ZNFX1: variants seen among roughly 807,000 people sequenced by gnomAD.
The protein encoded by ZNFX1 is NFX1-type zinc finger-containing protein 1.
Under a neutral mutation model 179.8 loss-of-function variants are expected in ZNFX1, and 78 were observed. The ratio of observed to expected loss-of-function variants is 0.43; its 90% CI spans 0.36 to 0.52. The LOEUF is 0.52. Ranked by LOEUF, ZNFX1 falls within the 20% of genes least tolerant of loss-of-function variation. The pLI, the probability that ZNFX1 is intolerant of heterozygous loss-of-function variation, is 0.00. For synonymous variants in ZNFX1, 848 were observed against 868.5 expected (o/e 0.98, Z 0.42); for missense variants, 1,927 against 2,386.6 (o/e 0.81, Z 4.01).
At chr20:49,268,159 GCCAC>G (rs1390829289) in intron 3 of ZNFX1, among the ~76,000 whole-genome samples, 1 of 152,156 alleles carries the variant, frequency 6.6e-6, no homozygotes, top group African/African-American at 2.4e-5. Flanking sequence ...ACAGGTGTGA[GCCAC>G]CGTGCCTGAC....
At position 49,264,170 on chromosome 20, in the gene ZNFX1, C is replaced by T. The variant is rs556945522; in HGVS notation, c.2151+546G>A. On this transcript the variant is annotated intron_variant, in intron 5 of 13. Transcript: ENST00000396105. Reference sequence around the variant, plus strand: ...CTAGGAGGTGGAGGTTGCAGTGAGCCGAGATTGTGCCACTGCACTCCAGCC... The same window carrying T: ...CTAGGAGGTGGAGGTTGCAGTGAGCTGAGATTGTGCCACTGCACTCCAGCC... Among the ~76,000 whole-genome samples the T allele has an allele frequency of 6.6e-4, 100 of 152,218 alleles. 1 individual carries two copies. Among genetic ancestry groups the T allele is most frequent in the Admixed American group, 6.3e-3 (96 of 15,290 alleles).
In ZNFX1 at chr20:49,248,548, G is replaced by A; in HGVS notation, c.4476C>T (p.Asn1492=). ...TCTTGCACTGGCTGTGGACACAGCGGTTCTGACAGGTCCGCTGGCAGGGTG... is the reference window on the plus strand; with the variant it reads ...TCTTGCACTGGCTGTGGACACAGCGATTCTGACAGGTCCGCTGGCAGGGTG... ...ECPPCQRTCQ[N]RCVHSQCKKK... is the part of the protein sequence containing the mutation. Residue 1492 remains asparagine, a synonymous_variant, in exon 14 of 14, where the codon AAC becomes AAT. Coordinates refer to ENST00000396105, the MANE Select transcript of ZNFX1 (RefSeq NM_021035.3). The surrounding 1 kb of genome is among the most constrained non-coding windows in gnomAD (Gnocchi z 4.6). The A allele has an allele frequency of 6.2e-7, 1 of 1,614,236 alleles. No individual in the cohort carries two copies.
chr20:49,266,338 C>CT (rs1355461426), intron 3 of ZNFX1, 72 bp from the exon 4 acceptor site: 8 of 1,409,674 alleles, frequency 5.7e-6, no homozygotes, highest in Admixed American at 2.5e-5. Context: ...AGAGCAAAAT[C>CT]TTTTTTTAAA....
chr20:49,277,727 T>G (rs1601001780), intron 1 of ZNFX1, among the ~76,000 whole-genome samples: 1 of 119,850 alleles, frequency 8.3e-6, no homozygotes, highest in African/African-American at 3.2e-5. Context: ...GAGTAGGCGA[T>G]GGAGGTCTGG....
chr20:49,264,377 T>C (rs1176246845), intron 5 of ZNFX1, among the ~76,000 whole-genome samples: 1 of 152,170 alleles, frequency 6.6e-6, no homozygotes, highest in Non-Finnish European at 1.5e-5. Flanking sequence ...TCCTTAGTAA[T>C]AAGAACTCAG....
chr20:49,267,226 A>T (rs1210476441), intron 3 of ZNFX1, among the ~76,000 whole-genome samples: 1 of 152,202 alleles, frequency 6.6e-6, no homozygotes, highest in Non-Finnish European at 1.5e-5. Flanking sequence ...TCAGGCTGGT[A>T]AGGTAGACAC....
At chr20:49,268,450 T>C (rs1981298509) in intron 3 of ZNFX1, among the ~76,000 whole-genome samples, 1 of 152,190 alleles carries the variant, frequency 6.6e-6, no homozygotes, top group Non-Finnish European at 1.5e-5. Context: ...TATAAACAAA[T>C]TTTATGCCCA....
chr20:49,246,260 G>C lies in ZNFX1; in HGVS notation c.*1007C>G, dbSNP rs926574471. ...GCAGTGCCACCAAACCTGTCAGCAG[G>C]TAAAGAAACTTCTACCATCCCAAAG... is the stretch of plus-strand genomic sequence containing the variant. On this transcript the variant is annotated 3_prime_UTR_variant, in exon 14 of 14. Coordinates refer to ENST00000396105, the MANE Select transcript of ZNFX1 (RefSeq NM_021035.3). The C allele has an allele frequency of 2.0e-5, 3 of 152,440 alleles. No homozygotes were observed. The highest frequency in any genetic ancestry group is 6.5e-5 in the Admixed American group (1 of 15,268). The allele number at this position is 152,440 out of a possible 1,614,324, so 9.4% of individuals were successfully genotyped here. A position where few individuals can be genotyped will look rare whatever the true frequency, so the allele number is the denominator to read the frequency against.
rs769742442 is a variant in ZNFX1 at position 49,264,827 on chromosome 20, C to G, written c.2040G>C (p.Val680=). Residue 680 remains valine, a synonymous_variant, in exon 5 of 14, where the codon GTG becomes GTC. Transcript: ENST00000396105. The part of the protein sequence containing the change: ...YNCQKTSIVR[V]GGRSNSEILK... ...GGATTTCACTGTTGCTCCTTCCACC[C>G]ACCCGCACAATGCTGGTCTTCTGAC... The G allele has an allele frequency of 6.2e-7, 1 of 1,614,216 alleles. No individual in the cohort carries two copies.
In ZNFX1 at chr20:49,246,564, A is replaced by G; in HGVS notation, c.*703T>C. ...GTTTATTATGAGAGTTAGTCTGCAA[A>G]TTAGGGCCTGGCAATTAGAATCGGT... On this transcript the variant is annotated 3_prime_UTR_variant, in exon 14 of 14. Coordinates refer to ENST00000396105, the MANE Select transcript of ZNFX1 (RefSeq NM_021035.3). 1 of 226,074 alleles carries G rather than the reference A, an allele frequency of 4.4e-6. No individual in the cohort carries two copies. The highest frequency in any genetic ancestry group is 8.9e-6 in the Non-Finnish European group (1 of 111,762). 14.0% of individuals were successfully genotyped at this position (226,074 alleles called of 1,614,324 possible).
intron 9 of ZNFX1, among the ~76,000 whole-genome samples, chr20:49,255,311 A>G (rs1258125977): frequency 6.6e-6 from 1 of 151,038 alleles, no homozygotes; most frequent in Non-Finnish European, 1.5e-5. Flanking sequence ...CCGAAGTGCT[A>G]GCATTAAAGG....
intron 2 of ZNFX1, among the ~76,000 whole-genome samples, chr20:49,272,334 G>A (rs943317433): frequency 3.9e-5 from 6 of 152,104 alleles, no homozygotes; most frequent in South Asian, 2.1e-4. Context: ...CTGCCACCGC[G>A]CCTGGCTAAT....
In ZNFX1 at chr20:49,263,469, C is replaced by T. The variant is rs1981163996; in HGVS notation, c.2166G>A (p.Met722Ile). The change falls in exon 6 of 14, where the codon ATG becomes ATA. Residue 722 changes from methionine (M) to isoleucine (I), a missense_variant. Met to Ile is a conservative substitution (Grantham distance 10, BLOSUM62 1). Coordinates refer to ENST00000396105, the MANE Select transcript of ZNFX1 (RefSeq NM_021035.3). ...RRAYMSIMTQ[M>I]KESEQELHEG... is the part of the protein sequence containing the mutation. Reference sequence around the variant, plus strand: ...CATGAAGCTCTTGCTCTGACTCCTTCATCTGTGTCATGATCTTCCAAGAAC... The same window carrying T: ...CATGAAGCTCTTGCTCTGACTCCTTTATCTGTGTCATGATCTTCCAAGAAC... 6.3e-7 allele frequency: 1 copy of T among 1,585,246 alleles called. No homozygotes were observed. The highest frequency in any genetic ancestry group is 8.6e-7 in the Non-Finnish European group (1 of 1,164,504).
chr20:49,270,377 G>T lies in ZNFX1; in HGVS notation c.1435C>A (p.Arg479=), dbSNP rs774473129. 2 of 1,614,190 alleles carry T rather than the reference G, an allele frequency of 1.2e-6. No homozygotes were observed. The highest frequency in any genetic ancestry group is 1.7e-6 in the Non-Finnish European group (2 of 1,180,042). Residue 479 remains arginine (R), a synonymous_variant, in exon 3 of 14, where the codon CGA becomes AGA. Transcript: ENST00000396105. The surrounding 1 kb of genome is among the most constrained non-coding windows in gnomAD (Gnocchi z 4.6). ...TTGAAGCAGAGCTGGACAATTCCTCGGCAGAGATCTTCCTGCTCCCTGTTA... is the reference window on the plus strand; with the variant it reads ...TTGAAGCAGAGCTGGACAATTCCTCTGCAGAGATCTTCCTGCTCCCTGTTA... ...VSNREQEDLC[R]GIVQLCFNEQ...
Position 49,247,057 on chromosome 20 carries a change from C to T in ZNFX1, c.*210G>A, listed in dbSNP as rs565808096. ...CTAATTTTTGTATTTTTAGTAGAGA[C>T]GGGGTTTCGCCATGTTGGTCAGGCT... On this transcript the variant is annotated 3_prime_UTR_variant, in exon 14 of 14. Coordinates refer to ENST00000396105, the MANE Select transcript of ZNFX1 (RefSeq NM_021035.3). 41 of 580,626 alleles carry T rather than the reference C, an allele frequency of 7.1e-5. No homozygotes were observed. Among genetic ancestry groups the T allele is most frequent in the Admixed American group, 5.0e-4 (16 of 31,858 alleles). 36.0% of individuals were successfully genotyped at this position (580,626 alleles called of 1,614,324 possible).
At chr20:49,251,078 T>C (rs1234605829) in intron 13 of ZNFX1, among the ~76,000 whole-genome samples, 1 of 151,922 alleles carries the variant, frequency 6.6e-6, no homozygotes. Context: ...AACCCTGGTC[T>C]GTATTTCAAT....
intron 1 of ZNFX1, among the ~76,000 whole-genome samples, chr20:49,276,139 G>C (rs1981552599): frequency 6.6e-6 from 1 of 152,184 alleles, no homozygotes; most frequent in South Asian, 2.1e-4. Context: ...GCACTTTCTT[G>C]GGGTAGAGGG....
intron 8 of ZNFX1, 158 bp from the exon 9 acceptor site, chr20:49,256,105 C>T: frequency 1.1e-6 from 1 of 922,626 alleles, no homozygotes; most frequent in Non-Finnish European, 1.6e-6. Flanking sequence ...TGTAGAGTGG[C>T]TAAACAAGGA....
chr20:49,269,937 C>A lies in ZNFX1; in HGVS notation c.1870+5G>T. 1 of 1,583,218 alleles carries A rather than the reference C, an allele frequency of 6.3e-7. No homozygotes were observed. The highest frequency in any genetic ancestry group is 8.6e-7 in the Non-Finnish European group (1 of 1,167,468). ...TCTTATGTACTCTAAAAAATTTTGT[C>A]TTACCTGTTCCAGGAGGTCCTTGAA... is the stretch of plus-strand genomic sequence containing the variant. On this transcript the variant is annotated splice_donor_5th_base_variant and intron_variant, in intron 3 of 13. Coordinates refer to ENST00000396105, the MANE Select transcript of ZNFX1 (RefSeq NM_021035.3).
Sources: gnomAD v4.1 joint callset for allele counts (sites outside exome capture counted in the v4.1 genomes callset) on GRCh38, gnomAD v4.1.1 for gene constraint, Gnocchi (gnomAD v3.1) non-coding constraint, MANE v1.5 for transcripts, NCBI Gene and HGNC (gene_info 2026-07-23, HGNC 2026-07-21) for gene names.